The following PACS1 variants were observed in gnomAD, a reference collection of about 807,000 sequenced individuals.
PACS1 encodes PACS-1.
In PACS1, 24 loss-of-function variants were observed where a neutral mutation model predicts 115.0. The ratio of observed to expected loss-of-function variants is 0.21; its 90% confidence interval spans 0.15 to 0.29. The LOEUF (loss-of-function observed/expected upper bound fraction) is 0.29, where lower values mean the gene tolerates loss of function less well. PACS1 is among the 10% of genes least tolerant of loss of function. The pLI is 1.00. For synonymous variants in PACS1, 453 were observed against 504.5 expected, an observed-to-expected ratio of 0.90 and a Z score of 1.37; for missense variants, 838 against 1,251.2, an observed-to-expected ratio of 0.67 and a Z score of 4.98.
At chr11:66,229,258 G>C (rs1393111296) in intron 11 of PACS1, among the ~76,000 whole-genome samples, 3 of 150,404 alleles carry the variant, frequency 2.0e-5, no homozygotes, top group Non-Finnish European at 4.4e-5. Context: ...AATTAGCCAG[G>C]CATGCTGACA....
chr11:66,173,938 G>A (rs1358015931), intron 1 of PACS1, among the ~76,000 whole-genome samples: 2 of 152,104 alleles, frequency 1.3e-5, no homozygotes, highest in African/African-American at 4.8e-5. Context: ...TGTAATCCCA[G>A]CTACTCAGGA....
At chr11:66,137,289 T>C (rs780826904) in intron 1 of PACS1, among the ~76,000 whole-genome samples, 2 of 152,090 alleles carry the variant, frequency 1.3e-5, no homozygotes, top group Non-Finnish European at 2.9e-5. Context: ...TACTTAAATC[T>C]TTTATGCATC....
intron 7 of PACS1, chr11:66,219,525 G>A: frequency 1.5e-6 from 1 of 676,712 alleles, no homozygotes; most frequent in Non-Finnish European, 2.7e-6. Context: ...CCTGGGGATA[G>A]ACATTCCTTC....
At chr11:66,167,333 C>CTT (rs762768413) in intron 1 of PACS1, among the ~76,000 whole-genome samples, 1,153 of 101,064 alleles carry the variant, frequency 0.011, 107 homozygotes, top group African/African-American at 0.024. Context: ...TTTGGCTTGT[C>CTT]TTTTTTTTTT....
intron 1 of PACS1, among the ~76,000 whole-genome samples, chr11:66,102,940 C>G (rs958476912): frequency 2.0e-5 from 3 of 152,162 alleles, no homozygotes; most frequent in Non-Finnish European, 4.4e-5. Context: ...AAGCCATTCT[C>G]CTGCCTCAGC....
intron 1 of PACS1, among the ~76,000 whole-genome samples, chr11:66,095,398 C>T (rs1161139483): frequency 6.6e-6 from 1 of 152,092 alleles, no homozygotes; most frequent in African/African-American, 2.4e-5. Flanking sequence ...TCTTACACAC[C>T]AATAACAGAC....
intron 1 of PACS1, among the ~76,000 whole-genome samples, chr11:66,154,681 C>T (rs534140198): frequency 6.6e-6 from 1 of 152,232 alleles, no homozygotes; most frequent in Non-Finnish European, 1.5e-5. Context: ...AACTTACATA[C>T]TGAAAACTAC....
chr11:66,157,148 T>C (rs181930350), intron 1 of PACS1, among the ~76,000 whole-genome samples: 2 of 152,210 alleles, frequency 1.3e-5, no homozygotes, highest in East Asian at 3.9e-4. Context: ...GGAGAGACTT[T>C]TAGAAAAGAT....
intron 2 of PACS1, among the ~76,000 whole-genome samples, chr11:66,206,591 CAT>C (rs1246269247): frequency 6.6e-6 from 1 of 152,198 alleles, no homozygotes; most frequent in African/African-American, 2.4e-5. Context: ...ATTTAGAGCA[CAT>C]ACTTGGGTGG....
Position 66,235,502 on chromosome 11 carries a change from A to AT in PACS1, c.2207+100dup. The AT allele has an allele frequency of 1.2e-6, 1 of 854,950 alleles. No individual in the cohort carries two copies. The highest frequency in any genetic ancestry group is 2.2e-4 in the Middle Eastern group (1 of 4,454). 53.0% of individuals were successfully genotyped at this position (854,950 alleles called of 1,614,324 possible). A position where few individuals can be genotyped will look rare whatever the true frequency, so the allele number is the denominator to read the frequency against. ...CTCACATTTTCCTTCTCCACATGCT[A>AT]TATTCCTTCATAGGAACCCAAAAGG... On this transcript the variant is annotated intron_variant, in intron 18 of 23. Coordinates refer to ENST00000320580, the MANE Select transcript of PACS1 (RefSeq NM_018026.4). The surrounding 1 kb of genome is among the most constrained non-coding windows in gnomAD (Gnocchi z 5.6).
chr11:66,079,622 T>G (rs972608989), intron 1 of PACS1, among the ~76,000 whole-genome samples: 10 of 152,144 alleles, frequency 6.6e-5, no homozygotes, highest in Non-Finnish European at 1.5e-4. Flanking sequence ...AAATCAGAAC[T>G]TGTCACACCC....
intron 10 of PACS1, among the ~76,000 whole-genome samples, chr11:66,225,452 C>G (rs1396943424): frequency 6.6e-6 from 1 of 152,156 alleles, no homozygotes; most frequent in Non-Finnish European, 1.5e-5. Flanking sequence ...TCTGGGACAT[C>G]TGGAAGAGCC....
At chr11:66,204,002 C>A (rs1854876752) in intron 2 of PACS1, among the ~76,000 whole-genome samples, 1 of 152,138 alleles carries the variant, frequency 6.6e-6, no homozygotes, top group South Asian at 2.1e-4. Context: ...GCAGAGATTT[C>A]TTGTGTAATA....
intron 2 of PACS1, among the ~76,000 whole-genome samples, chr11:66,198,782 T>G (rs1398071177): frequency 2.0e-5 from 3 of 152,178 alleles, no homozygotes; most frequent in Non-Finnish European, 4.4e-5. Context: ...AAGCTGTAAT[T>G]TTTTTAAAAA....
At chr11:66,149,679 C>CTT (rs1554982390) in intron 1 of PACS1, among the ~76,000 whole-genome samples, 102 of 118,420 alleles carry the variant, frequency 8.6e-4, no homozygotes, top group East Asian at 3.9e-3. Context: ...ATCTTGTGTT[C>CTT]GTGTGTGTGT....
intron 6 of PACS1, 28 bp downstream of exon 6, chr11:66,216,639 G>A (rs550604913): frequency 4.8e-5 from 77 of 1,608,966 alleles, no homozygotes; most frequent in Non-Finnish European, 5.9e-5. Context: ...CTCACATGGC[G>A]TGTCCAAGAA....
At chr11:66,151,569 C>T (rs970334921) in intron 1 of PACS1, among the ~76,000 whole-genome samples, 4 of 152,158 alleles carry the variant, frequency 2.6e-5, no homozygotes, top group Non-Finnish European at 5.9e-5. Context: ...AGAGACAGTT[C>T]GCAGTTTGAA....
chr11:66,077,289 G>A lies in PACS1; in HGVS notation c.356+6447G>A, dbSNP rs112876455. ...TTATTAAAACATTCCAAGGCTGGGCGTGGTGGCTCATGCCTATCATCCCAG... is the reference window on the plus strand; with the variant it reads ...TTATTAAAACATTCCAAGGCTGGGCATGGTGGCTCATGCCTATCATCCCAG... On this transcript the variant is annotated intron_variant, in intron 1 of 23. Coordinates refer to ENST00000320580, the MANE Select transcript of PACS1 (RefSeq NM_018026.4). Among the ~76,000 whole-genome samples, 1,294 of 152,296 alleles carry A rather than the reference G, an allele frequency of 8.5e-3. 18 individuals are homozygous for A. The highest frequency in any genetic ancestry group is 0.029 in the African/African-American group (1,216 of 41,570).
At chr11:66,075,408 T>C (rs1371163065) in intron 1 of PACS1, among the ~76,000 whole-genome samples, 9 of 151,930 alleles carry the variant, frequency 5.9e-5, no homozygotes, top group Admixed American at 5.9e-4. Context: ...GCCAGGCTGA[T>C]TTTAAGATTT....
Sources: gnomAD v4.1 joint callset for allele counts (sites outside exome capture counted in the v4.1 genomes callset) on GRCh38, gnomAD v4.1.1 for gene constraint, Gnocchi (gnomAD v3.1) non-coding constraint, MANE v1.5 for transcripts, NCBI Gene and HGNC (gene_info 2026-07-23, HGNC 2026-07-21) for gene names.